CACNG3: variants seen among roughly 807,000 people sequenced by gnomAD.
The protein encoded by CACNG3 is voltage-dependent calcium channel gamma-3 subunit.
A neutral mutation model predicts 28.5 loss-of-function variants in CACNG3; 3 were observed. The ratio of observed to expected loss-of-function variants is 0.11; its 90% CI spans 0.05 to 0.27. The LOEUF is 0.27. Ranked by LOEUF, CACNG3 falls within the 10% of genes least tolerant of loss-of-function variation. The pLI is 1.00. For synonymous variants in CACNG3, 174 were observed against 162.2 expected, an observed-to-expected ratio of 1.07 and a Z score of -0.55; for missense variants, 236 against 414.4, an observed-to-expected ratio of 0.57 and a Z score of 3.74.
At chr16:24,325,552 G>A (rs1335145271) in intron 1 of CACNG3, among the ~76,000 whole-genome samples, 1 of 152,236 alleles carries the variant, frequency 6.6e-6, no homozygotes, top group Non-Finnish European at 1.5e-5. Flanking sequence ...CAACCCCAGC[G>A]AGCTCTGCGG....
At chr16:24,261,107 C>T (rs1356629073) in intron 1 of CACNG3, among the ~76,000 whole-genome samples, 3 of 152,270 alleles carry the variant, frequency 2.0e-5, no homozygotes, top group East Asian at 3.9e-4. Context: ...TTACCCAAAT[C>T]TAAAATGAGA....
At chr16:24,328,763 T>C (rs1430678548) in intron 1 of CACNG3, among the ~76,000 whole-genome samples, 9 of 152,190 alleles carry the variant, frequency 5.9e-5, no homozygotes, top group African/African-American at 1.7e-4. Context: ...CTGGCAGCCA[T>C]AAGACATGTA....
intron 2 of CACNG3, among the ~76,000 whole-genome samples, chr16:24,350,141 C>T (rs1397746068): frequency 6.6e-6 from 1 of 152,172 alleles, no homozygotes; most frequent in Non-Finnish European, 1.5e-5. Context: ...ACTGACTTAG[C>T]AGAATATTTC....
At position 24,300,774 on chromosome 16, in the gene CACNG3, G is replaced by T. The variant is rs891869922; in HGVS notation, c.211+43809G>T. On this transcript the variant is annotated intron_variant, in intron 1 of 3. Transcript: ENST00000005284. ...CTACTAAAAATACAAAAATTAGCTGGGTGGGCCAGTGGACCACGCCTGTAA... is the reference window on the plus strand; with the variant it reads ...CTACTAAAAATACAAAAATTAGCTGTGTGGGCCAGTGGACCACGCCTGTAA... Among the ~76,000 whole-genome samples, 5 of 152,072 alleles carry T rather than the reference G, an allele frequency of 3.3e-5. No individual in the cohort carries two copies. In the East Asian group the frequency reaches 9.6e-4, roughly 29 times the overall value.
chr16:24,256,778 C>A lies in CACNG3; in HGVS notation c.24C>A (p.Ile8=). MRMCDRG[I]QMLITTVGAF... ...TTATGAGGATGTGTGACAGAGGTATCCAGATGTTGATCACCACTGTAGGAG... is the reference window on the plus strand; with the variant it reads ...TTATGAGGATGTGTGACAGAGGTATACAGATGTTGATCACCACTGTAGGAG... The change falls in exon 1 of 4, where the codon ATC becomes ATA. Residue 8 remains isoleucine (I), a synonymous_variant. Coordinates refer to ENST00000005284, the MANE Select transcript of CACNG3 (RefSeq NM_006539.4). This position sits in a 1 kb window ranked among gnomAD's most constrained non-coding sequence, Gnocchi z 4.6. The A allele has an allele frequency of 1.9e-6, 3 of 1,612,724 alleles. No homozygotes were observed. The highest frequency in any genetic ancestry group is 2.5e-6 in the Non-Finnish European group (3 of 1,178,728).
intron 1 of CACNG3, among the ~76,000 whole-genome samples, chr16:24,322,280 C>G (rs966639953): frequency 8.5e-5 from 13 of 152,098 alleles, no homozygotes; most frequent in African/African-American, 2.9e-4. Context: ...CCAGATGCCC[C>G]GGGAGAACAC....
rs1276823985 is a variant in CACNG3, at chr16:24,361,254, C to G, written c.437-98C>G. The G allele has an allele frequency of 2.1e-6, 2 of 967,676 alleles. No individual in the cohort carries two copies. The highest frequency in any genetic ancestry group is 2.3e-5 in the Admixed American group (1 of 42,602). 59.9% of individuals were successfully genotyped at this position (967,676 alleles called of 1,614,324 possible). A position where few individuals can be genotyped will look rare whatever the true frequency, so the allele number is the denominator to read the frequency against. The stretch of plus-strand genomic sequence containing the variant: ...AGCTATAATCCATTCTCCTCTCTCC[C>G]CATTACCTCCACATTTTCTATAAAT... On this transcript the variant is annotated intron_variant, in intron 3 of 3. Coordinates refer to ENST00000005284, the MANE Select transcript of CACNG3 (RefSeq NM_006539.4). The surrounding 1 kb of genome is among the most constrained non-coding windows in gnomAD (Gnocchi z 6.8).
intron 1 of CACNG3, among the ~76,000 whole-genome samples, chr16:24,296,644 C>T (rs556527649): frequency 6.6e-6 from 1 of 152,218 alleles, no homozygotes; most frequent in South Asian, 2.1e-4. Context: ...AAGAATTAAC[C>T]CTCTTCATTC....
At chr16:24,332,155 T>G (rs1038699983) in intron 1 of CACNG3, among the ~76,000 whole-genome samples, 3 of 152,144 alleles carry the variant, frequency 2.0e-5, no homozygotes, top group African/African-American at 7.2e-5. Flanking sequence ...TCTCCAGATA[T>G]CTATTGAACA....
At chr16:24,332,610 G>A (rs1171667321) in intron 1 of CACNG3, among the ~76,000 whole-genome samples, 1 of 152,084 alleles carries the variant, frequency 6.6e-6, no homozygotes, top group Non-Finnish European at 1.5e-5. Context: ...TATACCCTAA[G>A]TGCTTCATCT....
Position 24,358,536 on chromosome 16 carries a change from C to A in CACNG3, c.437-2816C>A, listed in dbSNP as rs146171970. Among the ~76,000 whole-genome samples, 4 of 152,288 alleles carry A rather than the reference C, an allele frequency of 2.6e-5. No individual in the cohort carries two copies. The East Asian group carries it at 7.7e-4, about 29-fold the overall frequency. On this transcript the variant is annotated intron_variant, in intron 3 of 3. Coordinates refer to ENST00000005284, the MANE Select transcript of CACNG3 (RefSeq NM_006539.4). ...TTCTCATATCAACTCCACTTATTCA[C>A]CCATTCAACAAATATGCACTGCCCT... is the stretch of plus-strand genomic sequence containing the variant.
intron 2 of CACNG3, 129 bp from the exon 3 acceptor site, chr16:24,354,704 T>G: frequency 1.1e-6 from 1 of 893,758 alleles, no homozygotes; most frequent in Admixed American, 2.4e-5. Context: ...CCTGGTCTCA[T>G]GCCCGTGTTA....
chr16:24,342,041 G>A lies in CACNG3; in HGVS notation c.212-4693G>A, dbSNP rs9930378. On this transcript the variant is annotated intron_variant, in intron 1 of 3. Coordinates refer to ENST00000005284, the MANE Select transcript of CACNG3 (RefSeq NM_006539.4). ...CCAGCGCTTTGGGAGGCTGCAGCAGGCGGATCACCTGAGGTCAGGAGTTCA... is the reference window on the plus strand; with the variant it reads ...CCAGCGCTTTGGGAGGCTGCAGCAGACGGATCACCTGAGGTCAGGAGTTCA... 7.6e-3 allele frequency among the ~76,000 whole-genome samples: 1,161 copies of A among 152,336 alleles called. 15 individuals are homozygous for A. The highest frequency in any genetic ancestry group is 0.027 in the African/African-American group (1,105 of 41,578).
chr16:24,315,499 GCTTTCTTT>G (rs752573904), intron 1 of CACNG3, among the ~76,000 whole-genome samples: 1 of 129,318 alleles, frequency 7.7e-6, no homozygotes, highest in Non-Finnish European at 1.6e-5. Flanking sequence ...TTCTTTTCCT[GCTTTCTTT>G]CTTTCTTTTC....
At chr16:24,322,467 G>A (rs950408086) in intron 1 of CACNG3, among the ~76,000 whole-genome samples, 1 of 151,584 alleles carries the variant, frequency 6.6e-6, no homozygotes. Context: ...TTTCTCTTTA[G>A]TTGCCATTTT....
At chr16:24,308,063 C>A (rs1263559021) in intron 1 of CACNG3, among the ~76,000 whole-genome samples, 1 of 152,148 alleles carries the variant, frequency 6.6e-6, no homozygotes, top group African/African-American at 2.4e-5. Flanking sequence ...GACTCCCCCA[C>A]GGCACTCTGA....
intron 1 of CACNG3, among the ~76,000 whole-genome samples, chr16:24,323,207 C>T (rs528686306): frequency 2.7e-5 from 3 of 111,114 alleles, no homozygotes; most frequent in African/African-American, 1.1e-4. Context: ...GCCTGGGCCA[C>T]AGAGCAGGAC....
chr16:24,356,291 G>A (rs1440266384), intron 3 of CACNG3, among the ~76,000 whole-genome samples: 1 of 152,116 alleles, frequency 6.6e-6, no homozygotes, highest in African/African-American at 2.4e-5. Flanking sequence ...AAATGGTGAG[G>A]AAGAGTGGCT....
intron 2 of CACNG3, among the ~76,000 whole-genome samples, chr16:24,351,586 A>AGGAAGGGGAAGG (rs367559338): frequency 5.4e-4 from 47 of 86,434 alleles, no homozygotes; most frequent in Admixed American, 2.2e-3. Flanking sequence ...GGAAGGGAAG[A>AGGAAGGGGAAGG]GGAAGGGGAA....
Sources: allele counts gnomAD v4.1 joint callset (sites outside exome capture counted in the v4.1 genomes callset), GRCh38; gene constraint gnomAD v4.1.1; non-coding constraint Gnocchi (gnomAD v3.1); transcripts MANE v1.5; gene names NCBI Gene and HGNC (gene_info 2026-07-23, HGNC 2026-07-21).